The following CELSR1 variants were observed in gnomAD, a reference collection of about 807,000 sequenced individuals.
CELSR1 encodes adhesion G protein-coupled receptor C1.
CELSR1 carries 110 observed loss-of-function variants against 249.1 expected under a neutral mutation model. The ratio of observed to expected loss-of-function variants is 0.44; its 90% CI spans 0.38 to 0.52. The LOEUF (loss-of-function observed/expected upper bound fraction) is 0.52, where lower values mean the gene tolerates loss of function less well. CELSR1 is among the 20% of genes least tolerant of loss of function. CELSR1 has a pLI of 0.00. For synonymous variants in CELSR1, 2,113 were observed against 1,900.0 expected, an observed-to-expected ratio of 1.11 and a Z score of -2.92; for missense variants, 4,109 against 4,296.4, an observed-to-expected ratio of 0.96 and a Z score of 1.22.
chr22:46,514,937 C>T (rs867182416), intron 1 of CELSR1, among the ~76,000 whole-genome samples: 1 of 152,144 alleles, frequency 6.6e-6, no homozygotes, highest in South Asian at 2.1e-4. Flanking sequence ...AGCTGGCATC[C>T]GCTCCAAACT....
At chr22:46,475,348 C>G (rs1397241511) in intron 1 of CELSR1, among the ~76,000 whole-genome samples, 2 of 152,154 alleles carry the variant, frequency 1.3e-5, no homozygotes, top group Admixed American at 1.3e-4. Context: ...AGACATCACA[C>G]TGAGTGAAAG....
Position 46,534,807 on chromosome 22 carries a change from G to C in CELSR1, c.2364C>G (p.Val788=), listed in dbSNP as rs113059118. ...TCACTGTGTAATGGGAGCTCTGAAAGACAGGCCTGTGGGTGTTGGCATCAG... is the reference window on the plus strand; with the variant it reads ...TCACTGTGTAATGGGAGCTCTGAAACACAGGCCTGTGGGTGTTGGCATCAG... The part of the protein sequence containing the change: ...NVTDANTHRP[V]FQSSHYTVSV... Residue 788 remains valine, a synonymous_variant, in exon 1 of 35, where the codon GTC becomes GTG. Transcript: ENST00000674500. The surrounding 1 kb of genome is among the most constrained non-coding windows in gnomAD (Gnocchi z 9.7). 3.7e-6 allele frequency: 6 copies of C among 1,613,148 alleles called. No individual in the cohort carries two copies. The African/African-American group carries it at 4.0e-5, about 11-fold the overall frequency.
intron 25 of CELSR1, chr22:46,370,351 TACCGTGTGCAG>T: frequency 3.0e-6 from 1 of 335,434 alleles, no homozygotes; most frequent in Non-Finnish European, 6.0e-6. Context: ...CAGACACACA[TACCGTGTGCAG>T]ACACGCATCA....
intron 2 of CELSR1, among the ~76,000 whole-genome samples, chr22:46,461,945 C>G (rs2080033358): frequency 6.6e-6 from 1 of 152,106 alleles, no homozygotes; most frequent in Non-Finnish European, 1.5e-5. Flanking sequence ...CCGTGAGGGG[C>G]AAAGGGGAGG....
chr22:46,498,583 A>T (rs925209622), intron 1 of CELSR1, among the ~76,000 whole-genome samples: 12 of 150,162 alleles, frequency 8.0e-5, no homozygotes, highest in Admixed American at 4.7e-4. Context: ...ACTCCACTGT[A>T]CCCTGGGGAC....
chr22:46,397,373 G>A (rs1052345588), intron 12 of CELSR1, among the ~76,000 whole-genome samples: 6 of 142,282 alleles, frequency 4.2e-5, no homozygotes, highest in Middle Eastern at 3.8e-3. Context: ...CACCCACCTC[G>A]GCCTCCCAAA....
At chr22:46,387,578 C>T (rs11703794) in intron 18 of CELSR1, among the ~76,000 whole-genome samples, 2 of 151,860 alleles carry the variant, frequency 1.3e-5, no homozygotes, top group African/African-American at 2.4e-5. Context: ...AGGCTGGTCT[C>T]GAACTCCTGG....
At position 46,391,879 on chromosome 22, in the gene CELSR1, G is replaced by T; in HGVS notation, c.5965-63C>A. On this transcript the variant is annotated intron_variant, in intron 14 of 34. Coordinates refer to ENST00000674500, the MANE Select transcript of CELSR1 (RefSeq NM_001378328.1). The surrounding 1 kb of genome is among the most constrained non-coding windows in gnomAD (Gnocchi z 4.3). ...CCCGGGAGAGGCCCTACCTTGCAGC[G>T]TGTTTCCCGAGCGACGTCCAGACTC... 6.5e-7 allele frequency: 1 copy of T among 1,526,902 alleles called. No individual in the cohort carries two copies. The allele number at this position is 1,526,902 out of a possible 1,614,324, so 94.6% of individuals were successfully genotyped here. A position where few individuals can be genotyped will look rare whatever the true frequency, so the allele number is the denominator to read the frequency against.
At position 46,427,235 on chromosome 22, in the gene CELSR1, C is replaced by T. The variant is rs113060434; in HGVS notation, c.4611+6158G>A. On this transcript the variant is annotated intron_variant, in intron 5 of 34. Coordinates refer to ENST00000674500, the MANE Select transcript of CELSR1 (RefSeq NM_001378328.1). This position sits in a 1 kb window ranked among gnomAD's most constrained non-coding sequence, Gnocchi z 4.2. ...ATCTGGATTTCTAAATGCCACCCTC[C>T]ACTAAAAGAACCAGGCTCGGCCAGG... Among the ~76,000 whole-genome samples the T allele has an allele frequency of 9.1e-3, 1,385 of 152,286 alleles. 28 individuals carry two copies. Among genetic ancestry groups the T allele is most frequent in the African/African-American group, 0.031 (1,288 of 41,564 alleles).
Position 46,362,998 on chromosome 22 carries a change from A to G in CELSR1, c.*225T>C. ...CCTGTGGCCTTTGGCACTTGTCACC[A>G]GGTCTGACAGGCCCTGAGCTCCTGG... On this transcript the variant is annotated 3_prime_UTR_variant, in exon 35 of 35. Transcript: ENST00000674500. The G allele has an allele frequency of 1.2e-6, 1 of 826,744 alleles. No individual in the cohort carries two copies. Among genetic ancestry groups the G allele is most frequent in the Non-Finnish European group, 1.9e-6 (1 of 527,092 alleles). The allele number at this position is 826,744 out of a possible 1,614,324, so 51.2% of individuals were successfully genotyped here.
At chr22:46,510,133 G>A (rs901473726) in intron 1 of CELSR1, among the ~76,000 whole-genome samples, 4 of 152,236 alleles carry the variant, frequency 2.6e-5, no homozygotes, top group East Asian at 1.9e-4. Flanking sequence ...GACGGCCCAC[G>A]TGGCACCCTC....
Position 46,417,739 on chromosome 22 carries a change from G to C in CELSR1, c.4612-5980C>G, listed in dbSNP as rs6007902. Among the ~76,000 whole-genome samples, 5,101 of 152,332 alleles carry C rather than the reference G, an allele frequency of 0.033. 274 individuals carry two copies. Among genetic ancestry groups the C allele is most frequent in the African/African-American group, 0.11 (4,776 of 41,552 alleles). ...CTAGGCAGACTCTTCTAGAAAGGGG[G>C]TAAGTGCATAGCTGCTATCTCTAGG... On this transcript the variant is annotated intron_variant, in intron 5 of 34. Coordinates refer to ENST00000674500, the MANE Select transcript of CELSR1 (RefSeq NM_001378328.1). This position sits in a 1 kb window ranked among gnomAD's most constrained non-coding sequence, Gnocchi z 4.1.
rs549687490 is a variant in CELSR1, at chr22:46,467,947, C to T, written c.3545-3602G>A. On this transcript the variant is annotated intron_variant, in intron 1 of 34. Coordinates refer to ENST00000674500, the MANE Select transcript of CELSR1 (RefSeq NM_001378328.1). ...TGCTCATTTTGTGTTACTCAGCTGT[C>T]TTACGATTAGCATGTACCGTTTGGG... Among the ~76,000 whole-genome samples the T allele has an allele frequency of 2.8e-4, 42 of 152,252 alleles. 1 individual carries two copies. The South Asian group carries it at 8.1e-3, about 29-fold the overall frequency.
Position 46,407,427 on chromosome 22 carries a change from C to T in CELSR1, c.5226+1569G>A, listed in dbSNP as rs1345917800. On this transcript the variant is annotated intron_variant, in intron 9 of 34. Transcript: ENST00000674500. This position sits in a 1 kb window ranked among gnomAD's most constrained non-coding sequence, Gnocchi z 4.8. ...AGTGGATCACCTGAGGTCAGGAGTT[C>T]GAGACCAGCCTGGTCAACATAGCAA... Among the ~76,000 whole-genome samples, 3 of 152,070 alleles carry T rather than the reference C, an allele frequency of 2.0e-5. No individual in the cohort carries two copies. Among genetic ancestry groups the T allele is most frequent in the Admixed American group, 6.6e-5 (1 of 15,264 alleles).
intron 1 of CELSR1, among the ~76,000 whole-genome samples, chr22:46,509,260 A>G (rs559571827): frequency 1.9e-3 from 288 of 152,332 alleles, no homozygotes; most frequent in African/African-American, 6.7e-3. Context: ...GGGGGCTCCA[A>G]TGACCCCATG....
rs548537304 is a variant in CELSR1, at chr22:46,431,435, C to G, written c.4611+1958G>C. ...TGACTCGACCTCCCCCTGCCTACCC[C>G]CTCCCCAGCAACAAACGTTCATCTC... On this transcript the variant is annotated intron_variant, in intron 5 of 34. Coordinates refer to ENST00000674500, the MANE Select transcript of CELSR1 (RefSeq NM_001378328.1). Among the ~76,000 whole-genome samples, 11 of 152,346 alleles carry G rather than the reference C, an allele frequency of 7.2e-5. 1 individual carries two copies. Among genetic ancestry groups the G allele is most frequent in the African/African-American group, 2.2e-4 (9 of 41,580 alleles).
In CELSR1 at chr22:46,406,900, C is replaced by T. The variant is rs527683250; in HGVS notation, c.5226+2096G>A. ...GCAGCAAAAGAAGCCCAGAGCCCAA[C>T]GGAGCAAAGGCAATAAGGCATGGCT... On this transcript the variant is annotated intron_variant, in intron 9 of 34. Transcript: ENST00000674500. The surrounding 1 kb of genome is among the most constrained non-coding windows in gnomAD (Gnocchi z 5.4). 1.1e-4 allele frequency among the ~76,000 whole-genome samples: 16 copies of T among 152,244 alleles called. No individual in the cohort carries two copies. The East Asian group carries it at 1.9e-3, about 18-fold the overall frequency.
chr22:46,537,071 G>C lies in CELSR1; in HGVS notation c.100C>G (p.Arg34Gly). The change falls in exon 1 of 35, where the codon CGC becomes GGC. Residue 34 changes from arginine to glycine, a missense_variant. Arg to Gly is a moderately radical substitution (Grantham distance 125). Around this residue, in one of 7 missense-constraint regions of CELSR1, gnomAD observed 673 missense variants for 636.8 expected, o/e 1.06. Transcript: ENST00000674500. The surrounding 1 kb of genome is among the most constrained non-coding windows in gnomAD (Gnocchi z 5.8). ...MGLRAAAWEP[R>G]VPGGTRAFAL... ...AAGGCGCGGGTCCCGCCGGGTACGC[G>C]CGGCTCCCAGGCGGCCGCTCGCAGC... 9.4e-7 allele frequency: 1 copy of C among 1,061,690 alleles called. No individual in the cohort carries two copies. The highest frequency in any genetic ancestry group is 1.1e-6 in the Non-Finnish European group (1 of 881,778). 65.8% of individuals were successfully genotyped at this position (1,061,690 alleles called of 1,614,324 possible).
chr22:46,476,608 A>T (rs909372399), intron 1 of CELSR1, among the ~76,000 whole-genome samples: 1 of 152,046 alleles, frequency 6.6e-6, no homozygotes, highest in Non-Finnish European at 1.5e-5. Context: ...AAAAAAAAAA[A>T]AAAAAGAGGA....
Sources: gnomAD v4.1 joint callset for allele counts (sites outside exome capture counted in the v4.1 genomes callset) on GRCh38, gnomAD v4.1.1 for gene constraint, gnomAD v4.1.1 regional missense constraint, Gnocchi (gnomAD v3.1) non-coding constraint, MANE v1.5 for transcripts, NCBI Gene and HGNC (gene_info 2026-07-23, HGNC 2026-07-21) for gene names.